Variants in SGCZ observed in about 807,000 individuals in gnomAD.
SGCZ encodes sarcoglycan zeta, also known as zeta-sarcoglycan.
A neutral mutation model predicts 41.3 loss-of-function variants in SGCZ; 40 were observed. The ratio of observed to expected loss-of-function variants is 0.97; its 90% CI spans 0.75 to 1.26. SGCZ has a LOEUF of 1.26. SGCZ is among the 50% of genes most tolerant of loss of function. SGCZ has a pLI of 0.00. For missense variants in SGCZ, 552 were observed against 369.8 expected (o/e 1.49, Z -4.04); for synonymous variants, 206 against 137.5 (o/e 1.50, Z -3.49).
intron 1 of SGCZ, among the ~76,000 whole-genome samples, chr8:15,022,969 G>T (rs556557492): frequency 6.6e-6 from 1 of 152,148 alleles, no homozygotes; most frequent in African/African-American, 2.4e-5. Context: ...ACAGGTGGAT[G>T]GGATTTGTCA....
intron 1 of SGCZ, among the ~76,000 whole-genome samples, chr8:14,701,344 C>T (rs951735074): frequency 2.6e-5 from 4 of 151,838 alleles, no homozygotes; most frequent in Non-Finnish European, 5.9e-5. Flanking sequence ...GACAGAAGTA[C>T]CTCTCTCTCC....
chr8:14,357,236 A>C (rs542852444), intron 2 of SGCZ, among the ~76,000 whole-genome samples: 1 of 152,356 alleles, frequency 6.6e-6, no homozygotes, highest in South Asian at 2.1e-4. Flanking sequence ...GTGTTTGATC[A>C]CACATGCTGG....
intron 1 of SGCZ, among the ~76,000 whole-genome samples, chr8:14,937,218 CATT>C (rs1187704797): frequency 5.3e-5 from 8 of 151,650 alleles, no homozygotes; most frequent in Admixed American, 6.6e-5. Context: ...AAAATATAGA[CATT>C]ATAGGAATTA....
At chr8:14,850,532 C>T (rs1231582671) in intron 1 of SGCZ, among the ~76,000 whole-genome samples, 1 of 152,086 alleles carries the variant, frequency 6.6e-6, no homozygotes, top group Non-Finnish European at 1.5e-5. Context: ...AAAGGATAAG[C>T]TTTGGGAGGT....
Position 14,608,968 on chromosome 8 carries a change from C to A in SGCZ, c.40-54042G>T, listed in dbSNP as rs142931760. Among the ~76,000 whole-genome samples the A allele has an allele frequency of 6.2e-4, 94 of 152,180 alleles. 1 individual carries two copies. Among genetic ancestry groups the A allele is most frequent in the Admixed American group, 2.4e-3 (36 of 15,274 alleles). ...TGGTGATAGAAGAATACGAAAAAAA[C>A]CAGAATAATTAATTCTACCTTTAAA... is the stretch of plus-strand genomic sequence containing the variant. On this transcript the variant is annotated intron_variant, in intron 1 of 7. Coordinates refer to ENST00000382080, the MANE Select transcript of SGCZ (RefSeq NM_139167.4).
intron 1 of SGCZ, among the ~76,000 whole-genome samples, chr8:14,934,794 C>T (rs1402775834): frequency 6.6e-6 from 1 of 150,998 alleles, no homozygotes; most frequent in Non-Finnish European, 1.5e-5. Flanking sequence ...ACAAAAAAGG[C>T]AGGAAAAATG....
intron 4 of SGCZ, among the ~76,000 whole-genome samples, chr8:14,178,978 T>C (rs1804636910): frequency 1.3e-5 from 2 of 152,322 alleles, no homozygotes; most frequent in African/African-American, 4.8e-5. Context: ...AGGAAAGCAC[T>C]GGCAGACCTC....
At chr8:14,657,059 T>C (rs2117472126) in intron 1 of SGCZ, among the ~76,000 whole-genome samples, 1 of 152,188 alleles carries the variant, frequency 6.6e-6, no homozygotes, top group South Asian at 2.1e-4. Flanking sequence ...AGGAAACTAT[T>C]GTGCGTCACT....
chr8:14,890,282 C>T (rs148581105), intron 1 of SGCZ, among the ~76,000 whole-genome samples: 25 of 149,374 alleles, frequency 1.7e-4, no homozygotes, highest in South Asian at 8.5e-4. Flanking sequence ...AGGAAAGAAA[C>T]GAAAGGAAGG....
At chr8:14,456,369 T>A (rs1478729892) in intron 2 of SGCZ, among the ~76,000 whole-genome samples, 1 of 151,960 alleles carries the variant, frequency 6.6e-6, no homozygotes, top group Non-Finnish European at 1.5e-5. Flanking sequence ...GACTGCACCA[T>A]TGCACTCCAG....
At chr8:14,957,985 A>G (rs1800845103) in intron 1 of SGCZ, among the ~76,000 whole-genome samples, 1 of 152,042 alleles carries the variant, frequency 6.6e-6, no homozygotes, top group Non-Finnish European at 1.5e-5. Context: ...TAAAGTACTG[A>G]ATCCTACAGT....
intron 2 of SGCZ, among the ~76,000 whole-genome samples, chr8:14,497,580 G>A (rs867190834): frequency 3.3e-5 from 5 of 150,962 alleles, no homozygotes; most frequent in African/African-American, 1.2e-4. Context: ...GTGTGTGTCT[G>A]TGTGTGTGTG....
At chr8:14,199,913 G>A (rs1158787466) in intron 4 of SGCZ, among the ~76,000 whole-genome samples, 2 of 152,238 alleles carry the variant, frequency 1.3e-5, no homozygotes, top group East Asian at 3.9e-4. Context: ...AATAAAATTT[G>A]ATACTAGTTT....
intron 1 of SGCZ, among the ~76,000 whole-genome samples, chr8:14,743,938 G>C (rs1201506399): frequency 6.6e-6 from 1 of 152,034 alleles, no homozygotes; most frequent in Non-Finnish European, 1.5e-5. Flanking sequence ...CGAAAGGACA[G>C]GTTTTCTTTG....
intron 1 of SGCZ, among the ~76,000 whole-genome samples, chr8:15,081,682 T>C (rs1805753462): frequency 6.6e-6 from 1 of 152,154 alleles, no homozygotes. Context: ...TTAGTGATAA[T>C]GAAGGGAATG....
chr8:14,909,653 T>C (rs1400197079), intron 1 of SGCZ, among the ~76,000 whole-genome samples: 3 of 152,132 alleles, frequency 2.0e-5, no homozygotes, highest in African/African-American at 7.2e-5. Flanking sequence ...AATTTTTAGT[T>C]TGGAAATATG....
chr8:14,141,231 C>T (rs1248817335), intron 5 of SGCZ, among the ~76,000 whole-genome samples: 1 of 152,044 alleles, frequency 6.6e-6, no homozygotes, highest in Non-Finnish European at 1.5e-5. Flanking sequence ...AGAAGGAAAC[C>T]TATACCATTC....
chr8:15,153,488 G>A (rs1268120651), intron 1 of SGCZ, among the ~76,000 whole-genome samples: 2 of 152,130 alleles, frequency 1.3e-5, no homozygotes, highest in Non-Finnish European at 2.9e-5. Context: ...TTGAACATAT[G>A]TCCCCATCCA....
chr8:14,464,983 A>G (rs1301115794), intron 2 of SGCZ, among the ~76,000 whole-genome samples: 1 of 151,686 alleles, frequency 6.6e-6, no homozygotes, highest in African/African-American at 2.4e-5. Flanking sequence ...GCCAATACTT[A>G]ATCTGTGGGC....
Sources: gnomAD v4.1 joint callset for allele counts (sites outside exome capture counted in the v4.1 genomes callset) on GRCh38, gnomAD v4.1.1 for gene constraint, MANE v1.5 for transcripts, NCBI Gene and HGNC (gene_info 2026-07-23, HGNC 2026-07-21) for gene names.